DNAH12: variants seen among roughly 807,000 people sequenced by gnomAD.
DNAH12 encodes the protein dynein axonemal heavy chain 12.
In DNAH12, 285 loss-of-function variants were observed where a neutral mutation model predicts 371.5. The ratio of observed to expected loss-of-function variants is 0.77; its 90% CI spans 0.70 to 0.85. The LOEUF is 0.85. Ranked by LOEUF, DNAH12 falls within the 40% of genes least tolerant of loss-of-function variation. DNAH12 has a pLI of 0.00. For synonymous variants in DNAH12, 1,200 were observed against 1,213.0 expected (o/e 0.99, Z 0.22); for missense variants, 3,611 against 3,689.4 (o/e 0.98, Z 0.55).
chr3:57,405,856 A>C lies in DNAH12; in HGVS notation c.6373T>G (p.Leu2125Val), dbSNP rs2064009466. The change falls in exon 41 of 74, where the codon TTA becomes GTA. Residue 2125 changes from leucine (L) to valine (V), a missense_variant. Coordinates refer to ENST00000495027, the MANE Select transcript of DNAH12 (RefSeq NM_001366028.2). ...RDFSRVIRGC[L>V]LIERDAVANK... The stretch of plus-strand genomic sequence containing the variant: ...GCCACGGCGTCTCTTTCAATGAGTA[A>C]ACAGCCCCGGATGACGCGTGAAAAA... 4.5e-6 allele frequency: 7 copies of C among 1,551,718 alleles called. No homozygotes were observed. The highest frequency in any genetic ancestry group is 3.6e-5 in the South Asian group (3 of 84,066).
chr3:57,446,645 T>C lies in DNAH12; in HGVS notation c.3831A>G (p.Pro1277=), dbSNP rs531044865. The change falls in exon 26 of 74, where the codon CCA becomes CCG. Residue 1277 remains proline, a synonymous_variant. Transcript: ENST00000495027. ...TGGTTTCGGTTTTTCCTGTGCCTGC[T>C]GGCCCCTCTGGAGCACCTCCAAGGT... ...YLNLGGAPEG[P]AGTGKTETTK... is the part of the protein sequence containing the mutation. 1.9e-5 allele frequency: 30 copies of C among 1,549,312 alleles called. No individual in the cohort carries two copies. The South Asian group carries it at 3.0e-4, about 15-fold the overall frequency.
At chr3:57,482,838 C>T (rs1164520591) in intron 13 of DNAH12, among the ~76,000 whole-genome samples, 25 of 147,610 alleles carry the variant, frequency 1.7e-4, no homozygotes, top group Non-Finnish European at 2.8e-4. Context: ...AACTAAACAC[C>T]GCATGTTCTC....
chr3:57,298,322 G>C (rs2061276682), intron 70 of DNAH12, among the ~76,000 whole-genome samples: 1 of 152,224 alleles, frequency 6.6e-6, no homozygotes, highest in South Asian at 2.1e-4. Flanking sequence ...TCGGAGAAAA[G>C]ACTCACTCTC....
chr3:57,501,431 A>T lies in DNAH12; in HGVS notation c.1244-19T>A. 1 of 1,557,488 alleles carries T rather than the reference A, an allele frequency of 6.4e-7. No homozygotes were observed. The highest frequency in any genetic ancestry group is 2.0e-5 in the Admixed American group (1 of 49,228). On this transcript the variant is annotated intron_variant, in intron 10 of 73. Transcript: ENST00000495027. Reference sequence around the variant, plus strand: ...TTTTCAACTGAAAATTAATAATCTAATTAAAATCTCAATAATACCCTTTTT... The same window carrying T: ...TTTTCAACTGAAAATTAATAATCTATTTAAAATCTCAATAATACCCTTTTT...
At chr3:57,501,292 G>A (rs765560326) in intron 11 of DNAH12, 29 bp downstream of exon 11, 24 of 1,539,628 alleles carry the variant, frequency 1.6e-5, no homozygotes, top group South Asian at 1.1e-4. Flanking sequence ...AATTCAAAAC[G>A]CATTAATAAA....
chr3:57,339,182 G>A (rs1432619376), intron 60 of DNAH12, among the ~76,000 whole-genome samples: 7 of 152,120 alleles, frequency 4.6e-5, no homozygotes, highest in African/African-American at 1.7e-4. Context: ...AAGGCAGCAT[G>A]CTCGTTAAGA....
intron 67 of DNAH12, 42 bp from the exon 68 acceptor site, chr3:57,309,896 A>G: frequency 6.6e-7 from 1 of 1,509,400 alleles, no homozygotes; most frequent in Non-Finnish European, 8.9e-7. Flanking sequence ...TTTTCCCTGG[A>G]TACTGAAAGG....
At chr3:57,547,313 T>G (rs886480551), upstream of DNAH12, among the ~76,000 whole-genome samples, 1 of 151,794 alleles carries the variant, frequency 6.6e-6, no homozygotes, top group Admixed American at 6.6e-5. Context: ...GTCCTTTTTT[T>G]TTTTACTTTA....
At chr3:57,414,333 T>C (rs1307566989) in intron 38 of DNAH12, among the ~76,000 whole-genome samples, 1 of 152,230 alleles carries the variant, frequency 6.6e-6, no homozygotes, top group African/African-American at 2.4e-5. Flanking sequence ...ATTTCTACAA[T>C]ATTTTCCTCA....
At chr3:57,314,243 G>C (rs1182524695) in intron 66 of DNAH12, among the ~76,000 whole-genome samples, 2 of 152,126 alleles carry the variant, frequency 1.3e-5, no homozygotes. Context: ...CAAACCCAGA[G>C]TGTGTCCTTC....
At chr3:57,424,470 C>CAA (rs71088068) in intron 35 of DNAH12, among the ~76,000 whole-genome samples, 37,891 of 117,986 alleles carry the variant, frequency 0.32, 6,506 homozygotes, top group South Asian at 0.44. Context: ...GATTCCATCT[C>CAA]AAAAAAAAAA....
chr3:57,505,168 C>T (rs934596657), intron 8 of DNAH12, among the ~76,000 whole-genome samples: 4 of 151,936 alleles, frequency 2.6e-5, no homozygotes, highest in Non-Finnish European at 4.4e-5. Flanking sequence ...GGATTACAGG[C>T]GTGAGCCACC....
chr3:57,470,933 C>G (rs139165811), intron 15 of DNAH12, among the ~76,000 whole-genome samples: 1,533 of 152,242 alleles, frequency 0.01, 16 homozygotes, highest in African/African-American at 0.033. Context: ...TCTCGAACTC[C>G]TGACCTCAGG....
intron 30 of DNAH12, among the ~76,000 whole-genome samples, chr3:57,434,551 A>G (rs2065060422): frequency 1.3e-5 from 2 of 152,162 alleles, no homozygotes; most frequent in South Asian, 4.2e-4. Flanking sequence ...CCTTAATAAC[A>G]GAAGTTGGTA....
intron 45 of DNAH12, among the ~76,000 whole-genome samples, chr3:57,388,853 A>G (rs1191464902): frequency 7.0e-6 from 1 of 142,674 alleles, no homozygotes. Flanking sequence ...GAATTGAACA[A>G]TGAGAACACT....
intron 13 of DNAH12, among the ~76,000 whole-genome samples, chr3:57,481,152 A>G (rs2066729980): frequency 6.6e-6 from 1 of 152,226 alleles, no homozygotes; most frequent in African/African-American, 2.4e-5. Context: ...AGATGACATG[A>G]TTGTATATCT....
At chr3:57,374,341 C>T (rs1397018399) in intron 55 of DNAH12, among the ~76,000 whole-genome samples, 1 of 152,090 alleles carries the variant, frequency 6.6e-6, no homozygotes, top group African/African-American at 2.4e-5. Flanking sequence ...TAGTATCTAT[C>T]ACAGCATATT....
chr3:57,352,957 T>C (rs141496457), intron 59 of DNAH12, among the ~76,000 whole-genome samples: 3 of 151,804 alleles, frequency 2.0e-5, no homozygotes, highest in Non-Finnish European at 4.4e-5. Flanking sequence ...GGGGTGGTGG[T>C]ACACGCCTGT....
intron 58 of DNAH12, among the ~76,000 whole-genome samples, chr3:57,362,262 A>C (rs969140132): frequency 7.2e-5 from 11 of 152,222 alleles, no homozygotes; most frequent in African/African-American, 2.2e-4. Context: ...AATCCAGTCT[A>C]TCATTGATGG....
Sources: allele counts gnomAD v4.1 joint callset (sites outside exome capture counted in the v4.1 genomes callset), GRCh38; gene constraint gnomAD v4.1.1; transcripts MANE v1.5; gene names NCBI Gene and HGNC (gene_info 2026-07-23, HGNC 2026-07-21).